Variants in TRERF1 observed in about 807,000 individuals in gnomAD.
The protein encoded by TRERF1 is transcriptional regulating factor 1.
A neutral mutation model predicts 122.9 loss-of-function variants in TRERF1; 27 were observed. The ratio of observed to expected loss-of-function variants is 0.22; its 90% CI spans 0.16 to 0.30. The LOEUF is 0.30. Ranked by LOEUF, TRERF1 falls within the 10% of genes least tolerant of loss-of-function variation. The pLI, the probability that TRERF1 is intolerant of heterozygous loss-of-function variation, is 1.00. For missense variants in TRERF1, 1,248 were observed against 1,560.3 expected, an observed-to-expected ratio of 0.80 and a Z score of 3.37; for synonymous variants, 636 against 641.7, an observed-to-expected ratio of 0.99 and a Z score of 0.13.
intron 3 of TRERF1, among the ~76,000 whole-genome samples, chr6:42,329,304 G>GT (rs1350546743): frequency 6.6e-6 from 1 of 152,024 alleles, no homozygotes; most frequent in African/African-American, 2.4e-5. Context: ...GTGGGGTGGG[G>GT]GCTTGCTGAG....
intron 4 of TRERF1, among the ~76,000 whole-genome samples, chr6:42,271,727 TAATAATTGTGATAACTC>T (rs1486708464): frequency 7.2e-5 from 11 of 152,234 alleles, no homozygotes; most frequent in Non-Finnish European, 8.8e-5. Flanking sequence ...TGTGTACTAT[TAATAATTGTGATAACTC>T]AAACCAGAAG....
intron 2 of TRERF1, among the ~76,000 whole-genome samples, chr6:42,430,389 C>T (rs1448428524): frequency 1.3e-5 from 2 of 152,180 alleles, no homozygotes; most frequent in Non-Finnish European, 2.9e-5. Flanking sequence ...TCTTCCCTCA[C>T]TCCAAAAAGC....
At chr6:42,325,607 C>T (rs965896133) in intron 3 of TRERF1, among the ~76,000 whole-genome samples, 15 of 152,164 alleles carry the variant, frequency 9.9e-5, no homozygotes, top group Admixed American at 8.5e-4. Flanking sequence ...GGTGTGGTGA[C>T]TCACACCTGT....
At chr6:42,246,423 T>C in intron 14 of TRERF1, 33 bp downstream of exon 14, 1 of 1,472,590 alleles carries the variant, frequency 6.8e-7, no homozygotes, top group Non-Finnish European at 9.3e-7. Flanking sequence ...CCAAATTTAA[T>C]TTCAAGGGGG....
At chr6:42,264,635 G>C in intron 7 of TRERF1, 69 bp downstream of exon 7, 1 of 1,578,174 alleles carries the variant, frequency 6.3e-7, no homozygotes, top group Non-Finnish European at 8.6e-7. Context: ...ATCACTCTCT[G>C]TCTGACGGCA....
intron 14 of TRERF1, among the ~76,000 whole-genome samples, chr6:42,246,161 C>T (rs993264310): frequency 1.3e-5 from 2 of 152,028 alleles, no homozygotes; most frequent in Non-Finnish European, 2.9e-5. Flanking sequence ...ACCAGGAACC[C>T]GAGTTCTAGT....
rs530364072 is a variant in TRERF1 at position 42,309,441 on chromosome 6, T to C, written c.-370-8692A>G. ...ATATTTTTTCTCTCTCCCTACTCTATGCCACTGGTTCTTCAACAAGCTCTT... is the reference window on the plus strand; with the variant it reads ...ATATTTTTTCTCTCTCCCTACTCTACGCCACTGGTTCTTCAACAAGCTCTT... On this transcript the variant is annotated intron_variant, in intron 3 of 17. Transcript: ENST00000372922. 2.6e-5 allele frequency among the ~76,000 whole-genome samples: 4 copies of C among 152,354 alleles called. No homozygotes were observed. In the South Asian group the frequency reaches 6.2e-4, roughly 24 times the overall value.
At chr6:42,289,320 G>A (rs1783862474) in intron 4 of TRERF1, among the ~76,000 whole-genome samples, 1 of 148,316 alleles carries the variant, frequency 6.7e-6, no homozygotes. Context: ...GACAGAGTGA[G>A]ACTCTGTCTC....
In TRERF1 at chr6:42,305,995, C is replaced by CTTTTTTTTTTT. The variant is rs55700516; in HGVS notation, c.-370-5257_-370-5247dup. 2.9e-4 allele frequency among the ~76,000 whole-genome samples: 20 copies of CTTTTTTTTTTT among 69,496 alleles called. 3 individuals carry two copies. Among genetic ancestry groups the CTTTTTTTTTTT allele is most frequent in the East Asian group, 1.1e-3 (2 of 1,826 alleles). 45.6% of individuals were successfully genotyped at this position (69,496 alleles called of 152,430 possible). ...CCCATTCTCTCTCCAAATATCTCTC[C>CTTTTTTTTTTT]TTTTTTTTTTTTTTTTTTTTTTTTG... On this transcript the variant is annotated intron_variant, in intron 3 of 17. Coordinates refer to ENST00000372922, the Ensembl canonical transcript of TRERF1.
At chr6:42,243,470 AGTTC>A in intron 14 of TRERF1, 109 bp from the exon 15 acceptor site, 2 of 735,008 alleles carry the variant, frequency 2.7e-6, no homozygotes, top group Admixed American at 2.5e-5. Flanking sequence ...AAGTTTGTAC[AGTTC>A]AAGAAAAAAA....
At chr6:42,350,309 T>A (rs1769170212) in intron 3 of TRERF1, among the ~76,000 whole-genome samples, 1 of 152,192 alleles carries the variant, frequency 6.6e-6, no homozygotes, top group South Asian at 2.1e-4. Flanking sequence ...ACATGGTCAG[T>A]TAGTTAGTGA....
chr6:42,437,547 C>T (rs1457461130), intron 2 of TRERF1, among the ~76,000 whole-genome samples: 2 of 152,126 alleles, frequency 1.3e-5, no homozygotes, highest in Non-Finnish European at 2.9e-5. Flanking sequence ...CAAGAGTTAG[C>T]GCTATCCACG....
Position 42,260,497 on chromosome 6 carries a change from T to C in TRERF1, c.1885-774A>G, listed in dbSNP as rs137976848. ...ATACATATATACTAATAAGTAAACATAGGCACGTAAACAGATGAGCAGGGC... is the reference window on the plus strand; with the variant it reads ...ATACATATATACTAATAAGTAAACACAGGCACGTAAACAGATGAGCAGGGC... On this transcript the variant is annotated intron_variant, in intron 8 of 17. Coordinates refer to ENST00000372922, the Ensembl canonical transcript of TRERF1. Among the ~76,000 whole-genome samples, 995 of 152,238 alleles carry C rather than the reference T, an allele frequency of 6.5e-3. 28 individuals are homozygous for C. Among genetic ancestry groups the C allele is most frequent in the Admixed American group, 0.053 (809 of 15,300 alleles).
At chr6:42,379,059 G>A (rs1352288057) in intron 2 of TRERF1, among the ~76,000 whole-genome samples, 1 of 152,158 alleles carries the variant, frequency 6.6e-6, no homozygotes, top group African/African-American at 2.4e-5. Flanking sequence ...GGTAGAGTCT[G>A]CAGTAAGCCG....
At chr6:42,285,161 G>A (rs575960961) in intron 4 of TRERF1, among the ~76,000 whole-genome samples, 1 of 152,090 alleles carries the variant, frequency 6.6e-6, no homozygotes, top group Admixed American at 6.5e-5. Flanking sequence ...ATTTCCTTGA[G>A]CAGTGGTTTG....
chr6:42,313,774 T>G (rs1762059285), intron 3 of TRERF1, among the ~76,000 whole-genome samples: 1 of 152,080 alleles, frequency 6.6e-6, no homozygotes, highest in Admixed American at 6.6e-5. Flanking sequence ...GACCTTGGAT[T>G]TCAACATGTT....
intron 5 of TRERF1, among the ~76,000 whole-genome samples, 178 bp downstream of exon 5, chr6:42,267,976 T>G (rs941908388): frequency 1.3e-5 from 2 of 152,250 alleles, no homozygotes; most frequent in African/African-American, 4.8e-5. Context: ...TAATAGAGAT[T>G]GATTTTGTAT....
intron 2 of TRERF1, among the ~76,000 whole-genome samples, chr6:42,449,540 GA>G (rs1240394487): frequency 6.6e-6 from 1 of 151,314 alleles, no homozygotes; most frequent in African/African-American, 2.4e-5. Context: ...TAAATATAAG[GA>G]AAAAAACCTG....
intron 2 of TRERF1, among the ~76,000 whole-genome samples, chr6:42,370,454 C>A (rs1273002136): frequency 6.6e-6 from 1 of 152,188 alleles, no homozygotes; most frequent in South Asian, 2.1e-4. Flanking sequence ...CATGGTGACA[C>A]ATGCCTATAG....
Sources: allele counts gnomAD v4.1 joint callset (sites outside exome capture counted in the v4.1 genomes callset), GRCh38; gene constraint gnomAD v4.1.1; transcripts MANE v1.5; gene names NCBI Gene and HGNC (gene_info 2026-07-23, HGNC 2026-07-21).